OLA1: variants seen among roughly 807,000 people sequenced by gnomAD.
The protein encoded by OLA1 is obg-like ATPase 1.
A neutral mutation model predicts 48.4 loss-of-function variants in OLA1; 14 were observed. That is an observed-to-expected ratio of 0.29 (90% CI 0.19 to 0.45). The LOEUF (loss-of-function observed/expected upper bound fraction) is 0.45, where lower values mean the gene tolerates loss of function less well. Ranked by LOEUF, OLA1 falls within the 20% of genes least tolerant of loss-of-function variation. The pLI is 1.00. For missense variants in OLA1, 325 were observed against 467.1 expected (o/e 0.70, Z 2.80); for synonymous variants, 127 against 150.4 (o/e 0.84, Z 1.14).
chr2:174,210,824 T>C (rs528088690), intron 4 of OLA1, among the ~76,000 whole-genome samples: 15 of 152,276 alleles, frequency 9.9e-5, no homozygotes, highest in African/African-American at 3.6e-4. Context: ...ATAAAGACAA[T>C]AAGATTGCTG....
At chr2:174,076,570 G>C (rs1684742265) in intron 10 of OLA1, among the ~76,000 whole-genome samples, 1 of 152,022 alleles carries the variant, frequency 6.6e-6, no homozygotes, top group East Asian at 1.9e-4. Flanking sequence ...CACTAATAAA[G>C]ATCATACATC....
Position 174,073,082 on chromosome 2 carries a change from A to C in OLA1, c.*2344T>G, listed in dbSNP as rs1460498560. The C allele has an allele frequency of 6.6e-6, 1 of 152,234 alleles. No individual in the cohort carries two copies. The highest frequency in any genetic ancestry group is 2.4e-5 in the African/African-American group (1 of 41,438). The allele number at this position is 152,234 out of a possible 1,614,324, so 9.4% of individuals were successfully genotyped here. A position where few individuals can be genotyped will look rare whatever the true frequency, so the allele number is the denominator to read the frequency against. ...CAGTAGCCTCCACCTCCCAGGCTCA[A>C]GCGATCGATCAATCCTCCCATCTCA... is the stretch of plus-strand genomic sequence containing the variant. On this transcript the variant is annotated 3_prime_UTR_variant, in exon 11 of 11. Coordinates refer to ENST00000284719, the MANE Select transcript of OLA1 (RefSeq NM_013341.5).
rs536525896 is a variant in OLA1 at position 174,226,422 on chromosome 2, A to G, written c.245+2886T>C. Among the ~76,000 whole-genome samples, 4 of 152,330 alleles carry G rather than the reference A, an allele frequency of 2.6e-5. No individual in the cohort carries two copies. The South Asian group carries it at 6.2e-4, about 24-fold the overall frequency. ...TCTCGAGACTAAAATGATGTTAAAAATATTTTTAATCGCTATACTGTAATG... is the reference window on the plus strand; with the variant it reads ...TCTCGAGACTAAAATGATGTTAAAAGTATTTTTAATCGCTATACTGTAATG... On this transcript the variant is annotated intron_variant, in intron 3 of 10. Coordinates refer to ENST00000284719, the MANE Select transcript of OLA1 (RefSeq NM_013341.5).
At chr2:174,096,453 T>C (rs1343794346) in intron 7 of OLA1, among the ~76,000 whole-genome samples, 1 of 152,136 alleles carries the variant, frequency 6.6e-6, no homozygotes, top group Non-Finnish European at 1.5e-5. Context: ...ACCCCAAAAG[T>C]AAACTGAGAG....
At position 174,223,024 on chromosome 2, in the gene OLA1, T is replaced by A; in HGVS notation, c.373+9A>T. The A allele has an allele frequency of 1.9e-6, 3 of 1,602,556 alleles. No individual in the cohort carries two copies. The highest frequency in any genetic ancestry group is 1.7e-6 in the Non-Finnish European group (2 of 1,174,888). On this transcript the variant is annotated intron_variant, in intron 4 of 10. Coordinates refer to ENST00000284719, the MANE Select transcript of OLA1 (RefSeq NM_013341.5). ...TGAAATCAATGATTAAATAAACAACTGTACTTACGTGTTAGATGAAAGATG... is the reference window on the plus strand; with the variant it reads ...TGAAATCAATGATTAAATAAACAACAGTACTTACGTGTTAGATGAAAGATG...
intron 4 of OLA1, among the ~76,000 whole-genome samples, chr2:174,191,394 T>C (rs1687774848): frequency 6.6e-6 from 1 of 152,102 alleles, no homozygotes; most frequent in African/African-American, 2.4e-5. Flanking sequence ...CCCTTTTATC[T>C]TTACCCACAT....
chr2:174,111,261 T>C (rs1685642453), intron 7 of OLA1, among the ~76,000 whole-genome samples: 1 of 152,246 alleles, frequency 6.6e-6, no homozygotes, highest in South Asian at 2.1e-4. Context: ...TAAGTTTCTG[T>C]GTAATTTTCA....
intron 5 of OLA1, among the ~76,000 whole-genome samples, chr2:174,127,953 A>G (rs1686080941): frequency 6.6e-6 from 1 of 152,042 alleles, no homozygotes; most frequent in Admixed American, 6.6e-5. Context: ...ATATATCATT[A>G]TTCTAAAAGA....
At chr2:174,214,775 A>C (rs4488627) in intron 4 of OLA1, among the ~76,000 whole-genome samples, 81,853 of 151,954 alleles carry the variant, frequency 0.54, 22,659 homozygotes, top group East Asian at 0.95. Context: ...AGGGGCTGGG[A>C]GTGGTGGCTC....
chr2:174,233,766 A>T (rs1218731887), intron 2 of OLA1, among the ~76,000 whole-genome samples: 1 of 152,232 alleles, frequency 6.6e-6, no homozygotes, highest in Non-Finnish European at 1.5e-5. Flanking sequence ...GTACTCTTCA[A>T]AAATAAATCT....
At chr2:174,241,616 C>A (rs1445608164) in intron 2 of OLA1, among the ~76,000 whole-genome samples, 1 of 152,100 alleles carries the variant, frequency 6.6e-6, no homozygotes, top group Non-Finnish European at 1.5e-5. Flanking sequence ...TCCATTTTCC[C>A]CTTCTTTCAG....
intron 4 of OLA1, among the ~76,000 whole-genome samples, chr2:174,174,197 C>G (rs187783247): frequency 1.3e-5 from 2 of 152,052 alleles, no homozygotes; most frequent in East Asian, 3.9e-4. Context: ...TCATATTACC[C>G]TGCTATCAAA....
At chr2:174,206,172 A>G (rs1295792357) in intron 4 of OLA1, among the ~76,000 whole-genome samples, 1 of 152,220 alleles carries the variant, frequency 6.6e-6, no homozygotes, top group African/African-American at 2.4e-5. Flanking sequence ...TTTCAAAACC[A>G]AATCAGTCTC....
chr2:174,095,787 G>A (rs534333728), intron 7 of OLA1, among the ~76,000 whole-genome samples: 1 of 152,164 alleles, frequency 6.6e-6, no homozygotes, highest in African/African-American at 2.4e-5. Flanking sequence ...ATATGACAGA[G>A]GTCCAGTATC....
At chr2:174,114,156 G>C (rs1266962583) in intron 7 of OLA1, among the ~76,000 whole-genome samples, 1 of 129,334 alleles carries the variant, frequency 7.7e-6, no homozygotes, top group Non-Finnish European at 1.6e-5. Flanking sequence ...GTGAAACCCT[G>C]TCTCTACTAA....
chr2:174,236,737 T>C (rs1688859544), intron 2 of OLA1, among the ~76,000 whole-genome samples: 1 of 152,352 alleles, frequency 6.6e-6, no homozygotes, highest in East Asian at 1.9e-4. Context: ...CTGTACAGCA[T>C]GTTACTGTAC....
In OLA1 at chr2:174,246,574, C is replaced by T. The variant is rs140070367; in HGVS notation, c.101+141G>A. On this transcript the variant is annotated intron_variant, in intron 2 of 10. Transcript: ENST00000284719. ...CAATAAAATACATCTAAACTAAAGC[C>T]TAATTTTGCAATATTAATAGTCCAG... 7.1e-4 allele frequency: 445 copies of T among 626,346 alleles called. No individual in the cohort carries two copies. The African/African-American group carries it at 7.3e-3, about 10-fold the overall frequency. 38.8% of individuals were successfully genotyped at this position (626,346 alleles called of 1,614,324 possible). A position where few individuals can be genotyped will look rare whatever the true frequency, so the allele number is the denominator to read the frequency against.
At chr2:174,087,115 C>T (rs1684999737) in intron 7 of OLA1, among the ~76,000 whole-genome samples, 2 of 150,402 alleles carry the variant, frequency 1.3e-5, no homozygotes, top group South Asian at 4.2e-4. Context: ...CAACCTCTGC[C>T]TCCCAGGTTC....
chr2:174,196,179 T>A (rs1380480851), intron 4 of OLA1, among the ~76,000 whole-genome samples: 1 of 152,162 alleles, frequency 6.6e-6, no homozygotes, highest in Non-Finnish European at 1.5e-5. Flanking sequence ...ATTTTGTTCC[T>A]TTTTAACAGA....
Sources: allele counts gnomAD v4.1 joint callset (sites outside exome capture counted in the v4.1 genomes callset), GRCh38; gene constraint gnomAD v4.1.1; transcripts MANE v1.5; gene names NCBI Gene and HGNC (gene_info 2026-07-23, HGNC 2026-07-21).